CADM2: variants seen among roughly 807,000 people sequenced by gnomAD.
CADM2 encodes the protein immunoglobulin superfamily member 4D.
CADM2 carries 12 observed loss-of-function variants against 49.8 expected under a neutral mutation model. The ratio of observed to expected loss-of-function variants is 0.24; its 90% CI spans 0.15 to 0.39. The LOEUF (loss-of-function observed/expected upper bound fraction) is 0.39, where lower values mean the gene tolerates loss of function less well. Among genes scored for constraint, CADM2 ranks in the 10% least tolerant of loss-of-function variants. The pLI is 1.00. For missense variants in CADM2, 378 were observed against 492.3 expected (o/e 0.77, Z 2.20); for synonymous variants, 214 against 175.4 (o/e 1.22, Z -1.74).
chr3:85,248,870 T>C (rs1473789468), intron 1 of CADM2, among the ~76,000 whole-genome samples: 1 of 152,146 alleles, frequency 6.6e-6, no homozygotes, highest in Admixed American at 6.6e-5. Context: ...AAATCAGCTT[T>C]CTCATCCATG....
intron 3 of CADM2, among the ~76,000 whole-genome samples, chr3:85,848,564 A>G (rs555996065): frequency 2.0e-5 from 3 of 152,184 alleles, no homozygotes; most frequent in Admixed American, 6.5e-5. Context: ...AATATTTATT[A>G]TAACTGCATT....
intron 1 of CADM2, among the ~76,000 whole-genome samples, chr3:85,355,559 A>G (rs959474224): frequency 2.0e-5 from 3 of 152,130 alleles, no homozygotes; most frequent in African/African-American, 7.2e-5. Flanking sequence ...ACAAGAATTC[A>G]TGGGTTCTTA....
chr3:85,009,423 T>A (rs2033883226), intron 1 of CADM2, among the ~76,000 whole-genome samples: 1 of 152,160 alleles, frequency 6.6e-6, no homozygotes, highest in Admixed American at 6.6e-5. Flanking sequence ...TAAATGGGTA[T>A]CTTTGGATAA....
At chr3:85,663,678 C>T (rs1446310588) in intron 1 of CADM2, among the ~76,000 whole-genome samples, 1 of 152,012 alleles carries the variant, frequency 6.6e-6, no homozygotes, top group Non-Finnish European at 1.5e-5. Flanking sequence ...CTTTTTCCTC[C>T]ATCAGATGTT....
intron 1 of CADM2, among the ~76,000 whole-genome samples, chr3:85,458,173 T>G (rs548691964): frequency 6.6e-6 from 1 of 152,328 alleles, no homozygotes; most frequent in East Asian, 1.9e-4. Context: ...CTTTGTATCT[T>G]GTGGCCATGC....
chr3:84,994,791 G>A (rs1011548041), intron 1 of CADM2, among the ~76,000 whole-genome samples: 4 of 152,066 alleles, frequency 2.6e-5, no homozygotes, highest in Non-Finnish European at 2.9e-5. Flanking sequence ...CACTTTAGGA[G>A]GCCCAGGTGG....
intron 8 of CADM2, among the ~76,000 whole-genome samples, chr3:86,027,040 C>A (rs184725821): frequency 1.5e-4 from 23 of 152,074 alleles, no homozygotes; most frequent in Non-Finnish European, 2.8e-4. Context: ...AAAGACAATT[C>A]AGAAGGAAGA....
chr3:85,018,606 C>G (rs560474219), intron 1 of CADM2, among the ~76,000 whole-genome samples: 1 of 152,052 alleles, frequency 6.6e-6, no homozygotes, highest in Non-Finnish European at 1.5e-5. Flanking sequence ...CCACCTGCCT[C>G]GGCCTCCCAA....
At chr3:85,645,551 A>G (rs2064858145) in intron 1 of CADM2, among the ~76,000 whole-genome samples, 1 of 152,018 alleles carries the variant, frequency 6.6e-6, no homozygotes, top group Non-Finnish European at 1.5e-5. Context: ...TATTAAAGTC[A>G]CTACATGATT....
At chr3:85,794,744 G>A (rs1230723498) in intron 2 of CADM2, among the ~76,000 whole-genome samples, 1 of 151,910 alleles carries the variant, frequency 6.6e-6, no homozygotes, top group African/African-American at 2.4e-5. Flanking sequence ...TGGTAAACAA[G>A]ATCCATACTG....
intron 1 of CADM2, among the ~76,000 whole-genome samples, chr3:85,199,225 A>G (rs1463108507): frequency 1.3e-5 from 2 of 152,088 alleles, no homozygotes; most frequent in East Asian, 3.9e-4. Context: ...GAGAATAGCT[A>G]TTTGTATTCA....
chr3:85,903,717 G>T (rs1716434837), intron 5 of CADM2, among the ~76,000 whole-genome samples: 1 of 152,058 alleles, frequency 6.6e-6, no homozygotes, highest in Non-Finnish European at 1.5e-5. Flanking sequence ...GCTTCAGCAG[G>T]GCTCTCACTG....
chr3:86,022,876 G>A lies in CADM2; in HGVS notation c.971-42729G>A, dbSNP rs553149095. 5.9e-5 allele frequency among the ~76,000 whole-genome samples: 9 copies of A among 152,062 alleles called. No individual in the cohort carries two copies. In the South Asian group the frequency reaches 1.2e-3, roughly 21 times the overall value. On this transcript the variant is annotated intron_variant, in intron 8 of 9. Transcript: ENST00000383699. ...ACAGAAAATATGCATATGCATAAAC[G>A]TTTGCAGAATCAAACATAATATGGA...
chr3:84,987,007 G>A (rs1474341436), intron 1 of CADM2, among the ~76,000 whole-genome samples: 2 of 151,702 alleles, frequency 1.3e-5, no homozygotes, highest in Non-Finnish European at 2.9e-5. Context: ...AGCCGAGATC[G>A]CATCATTGCA....
At chr3:85,625,532 A>G (rs1046207027) in intron 1 of CADM2, among the ~76,000 whole-genome samples, 1 of 151,598 alleles carries the variant, frequency 6.6e-6, no homozygotes, top group African/African-American at 2.4e-5. Flanking sequence ...TATTGAAAAA[A>G]GTACTTATGC....
chr3:85,117,434 A>G lies in CADM2; in HGVS notation c.61+157766A>G, dbSNP rs567569244. ...TTAATTAAAACTAATTAACATTGTT[A>G]TTGTGTAACTAATGGCTTGAAAAGA... On this transcript the variant is annotated intron_variant, in intron 1 of 9. Transcript: ENST00000383699. Among the ~76,000 whole-genome samples the G allele has an allele frequency of 3.3e-5, 5 of 152,304 alleles. No individual in the cohort carries two copies. The South Asian group carries it at 1.0e-3, about 32-fold the overall frequency.
At chr3:85,881,010 T>C (rs7622132) in intron 3 of CADM2, among the ~76,000 whole-genome samples, 5,836 of 152,246 alleles carry the variant, frequency 0.038, 368 homozygotes, top group African/African-American at 0.13. Flanking sequence ...CTTCTGGGAC[T>C]CTAATGATAT....
rs374650724 is a variant in CADM2, at chr3:86,039,141, C to T, written c.971-26464C>T. Reference sequence around the variant, plus strand: ...TCCAGTCTACAGCTCCCAGCATGAGCGACGCAGAAGATGGGTGATTTCTGC... The same window carrying T: ...TCCAGTCTACAGCTCCCAGCATGAGTGACGCAGAAGATGGGTGATTTCTGC... On this transcript the variant is annotated intron_variant, in intron 8 of 9. Transcript: ENST00000383699. Among the ~76,000 whole-genome samples, 80 of 152,210 alleles carry T rather than the reference C, an allele frequency of 5.3e-4. 2 individuals carry two copies. The South Asian group carries it at 0.013, about 26-fold the overall frequency.
intron 1 of CADM2, among the ~76,000 whole-genome samples, chr3:85,496,353 G>A (rs1432991211): frequency 6.6e-6 from 1 of 152,148 alleles, no homozygotes; most frequent in East Asian, 1.9e-4. Context: ...CTGCATCCAT[G>A]TTGCTGCAAA....
Sources: gnomAD v4.1 joint callset for allele counts (sites outside exome capture counted in the v4.1 genomes callset) on GRCh38, gnomAD v4.1.1 for gene constraint, MANE v1.5 for transcripts, NCBI Gene and HGNC (gene_info 2026-07-23, HGNC 2026-07-21) for gene names.